PARN: variants seen among roughly 807,000 people sequenced by gnomAD.
PARN encodes the protein poly(A)-specific ribonuclease PARN.
Under a neutral mutation model 102.8 loss-of-function variants are expected in PARN, and 71 were observed. The ratio of observed to expected loss-of-function variants is 0.69; its 90% CI spans 0.57 to 0.84. The LOEUF is 0.84. Among genes scored for constraint, PARN ranks in the 40% least tolerant of loss-of-function variants. PARN has a pLI of 0.00. For missense variants in PARN, 782 were observed against 760.9 expected (o/e 1.03, Z -0.33); for synonymous variants, 261 against 252.9 (o/e 1.03, Z -0.30).
chr16:14,627,276 C>A lies in PARN; in HGVS notation c.238G>T (p.Asp80Tyr). 6.3e-7 allele frequency: 1 copy of A among 1,593,324 alleles called. No individual in the cohort carries two copies. Among genetic ancestry groups the A allele is most frequent in the Non-Finnish European group, 8.6e-7 (1 of 1,168,630 alleles). Residue 80 changes from aspartate (D) to tyrosine (Y), a missense_variant, in exon 4 of 24, where the codon GAT becomes TAT. By Grantham distance (160) the Asp-to-Tyr change is radical. Transcript: ENST00000437198. ...GLCTFKYDYT[D>Y]SKYITKSFNF... is the part of the protein sequence containing the mutation. ...TTTGTTAACACAACCTACTTTGAAT[C>A]TGTGTAGTCATACTTAAAAGTGCAA...
chr16:14,590,275 A>G (rs953062864), intron 13 of PARN, among the ~76,000 whole-genome samples: 5 of 122,486 alleles, frequency 4.1e-5, no homozygotes, highest in Admixed American at 1.6e-4. Flanking sequence ...AAGAGAAGAG[A>G]AAAAAAAAAA....
chr16:14,468,581 C>T (rs1962512849), intron 22 of PARN, among the ~76,000 whole-genome samples: 1 of 152,128 alleles, frequency 6.6e-6, no homozygotes, highest in South Asian at 2.1e-4. Flanking sequence ...GGCAGGTAAG[C>T]CATCAGCCAC....
At position 14,609,050 on chromosome 16, in the gene PARN, C is replaced by T. The variant is rs1971361650; in HGVS notation, c.620+8G>A. ...AAAGGACATGCAGAAATGTTCAGGA[C>T]AACTAACCCGGTACATGGCTCTAAA... On this transcript the variant is annotated splice_region_variant and intron_variant, in intron 8 of 23. Transcript: ENST00000437198. 8 of 1,539,258 alleles carry T rather than the reference C, an allele frequency of 5.2e-6. No individual in the cohort carries two copies. Among genetic ancestry groups the T allele is most frequent in the African/African-American group, 2.7e-5 (2 of 73,374 alleles).
chr16:14,570,976 C>A (rs1968773367), intron 18 of PARN, among the ~76,000 whole-genome samples: 1 of 151,516 alleles, frequency 6.6e-6, no homozygotes, highest in Non-Finnish European at 1.5e-5. Flanking sequence ...CAGAGCAAGA[C>A]CCTGTCTCAA....
intron 22 of PARN, among the ~76,000 whole-genome samples, chr16:14,471,060 G>C (rs948318846): frequency 2.6e-5 from 4 of 152,210 alleles, no homozygotes; most frequent in African/African-American, 7.2e-5. Flanking sequence ...TAGGATTACA[G>C]GTATGAGCTA....
At chr16:14,536,747 ATGAT>A (rs1269019819) in intron 21 of PARN, among the ~76,000 whole-genome samples, 1 of 152,200 alleles carries the variant, frequency 6.6e-6, no homozygotes, top group African/African-American at 2.4e-5. Context: ...CGCTTGTGAC[ATGAT>A]TAATTAAAAA....
intron 21 of PARN, among the ~76,000 whole-genome samples, chr16:14,507,560 G>C (rs1388755551): frequency 6.7e-6 from 1 of 148,806 alleles, no homozygotes; most frequent in Non-Finnish European, 1.5e-5. Context: ...ATGGTGGTGT[G>C]TGTCTGTAGT....
chr16:14,440,675 G>A (rs1289120208), intron 23 of PARN, among the ~76,000 whole-genome samples: 4 of 152,164 alleles, frequency 2.6e-5, no homozygotes, highest in East Asian at 1.9e-4. Context: ...GCAGTAAAAC[G>A]GAGTGTACTG....
chr16:14,521,854 T>C lies in PARN; in HGVS notation c.1480+30167A>G, dbSNP rs139367733. ...CACCTATTGACGTTTCAGTCAACAG[T>C]GGACCCCCTTATACATGGTGGTCCC... On this transcript the variant is annotated intron_variant, in intron 21 of 23. Coordinates refer to ENST00000437198, the MANE Select transcript of PARN (RefSeq NM_002582.4). 7.6e-3 allele frequency among the ~76,000 whole-genome samples: 1,153 copies of C among 152,166 alleles called. 19 individuals are homozygous for C. Among genetic ancestry groups the C allele is most frequent in the Non-Finnish European group, 7.2e-3 (489 of 67,990 alleles).
At chr16:14,599,001 A>G (rs1970708555) in intron 12 of PARN, among the ~76,000 whole-genome samples, 1 of 147,224 alleles carries the variant, frequency 6.8e-6, no homozygotes, top group South Asian at 2.1e-4. Context: ...TAGTTTACCT[A>G]TGTAAAATGC....
At chr16:14,576,881 A>T (rs950596886) in intron 18 of PARN, among the ~76,000 whole-genome samples, 2 of 152,214 alleles carry the variant, frequency 1.3e-5, no homozygotes, top group African/African-American at 4.8e-5. Flanking sequence ...AGTATGGCTT[A>T]AAAAAACACC....
intron 6 of PARN, among the ~76,000 whole-genome samples, chr16:14,616,224 A>C (rs1331622222): frequency 4.6e-5 from 7 of 152,232 alleles, no homozygotes; most frequent in Admixed American, 4.6e-4. Flanking sequence ...GAAATGTTCT[A>C]ATGTCCAGTA....
intron 10 of PARN, 75 bp downstream of exon 10, chr16:14,606,399 AAAAAAAAAAG>A (rs1355042125): frequency 3.7e-5 from 27 of 724,966 alleles, no homozygotes; most frequent in African/African-American, 9.3e-5. Flanking sequence ...CCCTGAGGGA[AAAAAAAAAAG>A]AAAAAAAAAA....
intron 6 of PARN, among the ~76,000 whole-genome samples, chr16:14,614,264 G>C (rs867570590): frequency 7.1e-6 from 1 of 141,770 alleles, no homozygotes; most frequent in Non-Finnish European, 1.5e-5. Context: ...TCAAAAATGG[G>C]AAAAAAAAAA....
chr16:14,533,947 C>T (rs955567446), intron 21 of PARN, among the ~76,000 whole-genome samples: 8 of 152,168 alleles, frequency 5.3e-5, no homozygotes, highest in South Asian at 4.1e-4. Context: ...ATTGGCCAAG[C>T]GTGGTGGCTC....
At chr16:14,458,920 C>T (rs760589979) in intron 22 of PARN, among the ~76,000 whole-genome samples, 8 of 152,148 alleles carry the variant, frequency 5.3e-5, no homozygotes, top group Non-Finnish European at 7.4e-5. Flanking sequence ...ATGGGGTAGC[C>T]ATCCCCCACA....
At chr16:14,527,826 G>A (rs565951233) in intron 21 of PARN, among the ~76,000 whole-genome samples, 2 of 152,202 alleles carry the variant, frequency 1.3e-5, no homozygotes, top group African/African-American at 4.8e-5. Context: ...TAATAAAAAG[G>A]ACAAAAATTC....
At chr16:14,595,068 T>C (rs1399347002) in intron 12 of PARN, among the ~76,000 whole-genome samples, 1 of 152,184 alleles carries the variant, frequency 6.6e-6, no homozygotes, top group African/African-American at 2.4e-5. Context: ...CTTGACTAGA[T>C]ACTGTAAGGC....
intron 22 of PARN, among the ~76,000 whole-genome samples, chr16:14,451,057 T>C (rs1297365496): frequency 7.9e-5 from 12 of 152,228 alleles, no homozygotes; most frequent in Admixed American, 7.2e-4. Flanking sequence ...CCCAATCTGC[T>C]TTCCTGGCCT....
Sources: gnomAD v4.1 joint callset for allele counts (sites outside exome capture counted in the v4.1 genomes callset) on GRCh38, gnomAD v4.1.1 for gene constraint, MANE v1.5 for transcripts, NCBI Gene and HGNC (gene_info 2026-07-23, HGNC 2026-07-21) for gene names.